JAKMIP1: variants seen among roughly 807,000 people sequenced by gnomAD.
JAKMIP1 encodes the protein janus kinase and microtubule-interacting protein 1.
Under a neutral mutation model 113.0 loss-of-function variants are expected in JAKMIP1, and 33 were observed. That is an observed-to-expected ratio of 0.29 (90% CI 0.22 to 0.39). The LOEUF is 0.39. JAKMIP1 is among the 10% of genes least tolerant of loss of function. The pLI, the probability that JAKMIP1 is intolerant of heterozygous loss-of-function variation, is 1.00. For synonymous variants in JAKMIP1, 480 were observed against 459.9 expected (o/e 1.04, Z -0.56); for missense variants, 813 against 1,080.5 (o/e 0.75, Z 3.47).
rs770243900 is a variant in JAKMIP1 at position 6,049,712 on chromosome 4, T to A, written c.1962+107A>T. On this transcript the variant is annotated intron_variant, in intron 15 of 20. Transcript: ENST00000409021. This position sits in a 1 kb window ranked among gnomAD's most constrained non-coding sequence, Gnocchi z 7.0. The stretch of plus-strand genomic sequence containing the variant: ...AAAGCCTTACATTGTACTTCTTAGA[T>A]CTCTTACATCAGAGAGAAATTAAAA... The A allele has an allele frequency of 2.7e-5, 22 of 828,968 alleles. No homozygotes were observed. Among genetic ancestry groups the A allele is most frequent in the Non-Finnish European group, 4.4e-5 (22 of 500,466 alleles). 51.4% of individuals were successfully genotyped at this position (828,968 alleles called of 1,614,324 possible).
chr4:6,048,799 T>C, intron 16 of JAKMIP1, 58 bp downstream of exon 16: 1 of 1,436,544 alleles, frequency 7.0e-7, no homozygotes, highest in South Asian at 1.2e-5. Context: ...TACAGTTTCT[T>C]GTATGGTGCT....
chr4:6,117,223 C>T (rs140355511), intron 1 of JAKMIP1, among the ~76,000 whole-genome samples: 2,951 of 152,156 alleles, frequency 0.019, 51 homozygotes, highest in Non-Finnish European at 0.03. Context: ...GGACCTGCCC[C>T]GATAATCACG....
In JAKMIP1 at chr4:6,178,912, C is replaced by T. The variant is rs1185567558; in HGVS notation, c.-148+21341G>A. On this transcript the variant is annotated intron_variant, in intron 1 of 20. Coordinates refer to ENST00000409021, the MANE Select transcript of JAKMIP1 (RefSeq NM_001099433.2). This position sits in a 1 kb window ranked among gnomAD's most constrained non-coding sequence, Gnocchi z 5.5. ...TTGTTCACCAGCTGTCTCCCTGCCC[C>T]GGCACAGTGCCTGGCTCGGAGAGCA... is the stretch of plus-strand genomic sequence containing the variant. Among the ~76,000 whole-genome samples, 5 of 152,194 alleles carry T rather than the reference C, an allele frequency of 3.3e-5. No individual in the cohort carries two copies. Among genetic ancestry groups the T allele is most frequent in the African/African-American group, 7.2e-5 (3 of 41,450 alleles).
Position 6,153,995 on chromosome 4 carries a change from A to G in JAKMIP1, c.-147-40998T>C, listed in dbSNP as rs1276551628. ...GTCACAGAGTCTGCCCAGGTCTTGT[A>G]TGCGGCAGATGTTTACTAAATACTG... On this transcript the variant is annotated intron_variant, in intron 1 of 20. Transcript: ENST00000409021. This position sits in a 1 kb window ranked among gnomAD's most constrained non-coding sequence, Gnocchi z 4.9. Among the ~76,000 whole-genome samples the G allele has an allele frequency of 3.9e-5, 6 of 152,164 alleles. No homozygotes were observed. The highest frequency in any genetic ancestry group is 1.4e-4 in the African/African-American group (6 of 41,424).
At chr4:6,170,011 C>CCACCACATTCCCA (rs758718517) in intron 1 of JAKMIP1, among the ~76,000 whole-genome samples, 11 of 100,160 alleles carry the variant, frequency 1.1e-4, no homozygotes, top group African/African-American at 3.8e-4. Flanking sequence ...CACCACCACC[C>CCACCACATTCCCA]TCACCACCAC....
chr4:6,128,131 C>T (rs1717993923), intron 1 of JAKMIP1, among the ~76,000 whole-genome samples: 1 of 152,190 alleles, frequency 6.6e-6, no homozygotes, highest in African/African-American at 2.4e-5. Flanking sequence ...GAGACAGAAA[C>T]TGGCCACAGT....
In JAKMIP1 at chr4:6,141,760, G is replaced by A. The variant is rs777594234; in HGVS notation, c.-147-28763C>T. Among the ~76,000 whole-genome samples, 9 of 152,190 alleles carry A rather than the reference G, an allele frequency of 5.9e-5. No homozygotes were observed. Among genetic ancestry groups the A allele is most frequent in the African/African-American group, 1.4e-4 (6 of 41,458 alleles). ...AAAGTGGCCCCAGGACACTGATGCCGAGGATGCTGACTGTCCACTCTTCGG... is the reference window on the plus strand; with the variant it reads ...AAAGTGGCCCCAGGACACTGATGCCAAGGATGCTGACTGTCCACTCTTCGG... On this transcript the variant is annotated intron_variant, in intron 1 of 20. Coordinates refer to ENST00000409021, the MANE Select transcript of JAKMIP1 (RefSeq NM_001099433.2). This position sits in a 1 kb window ranked among gnomAD's most constrained non-coding sequence, Gnocchi z 9.4.
chr4:6,110,312 C>T (rs1028351186), intron 2 of JAKMIP1, among the ~76,000 whole-genome samples: 1 of 151,988 alleles, frequency 6.6e-6, no homozygotes, highest in Non-Finnish European at 1.5e-5. Flanking sequence ...AGAAGGCGGC[C>T]GTCTGCAAGC....
intron 1 of JAKMIP1, among the ~76,000 whole-genome samples, chr4:6,145,216 C>A (rs1484244145): frequency 6.6e-6 from 1 of 152,172 alleles, no homozygotes; most frequent in Non-Finnish European, 1.5e-5. Context: ...GCACAGGCAC[C>A]AGCCCCATGC....
At position 6,188,397 on chromosome 4, in the gene JAKMIP1, C is replaced by A. The variant is rs1726873124; in HGVS notation, c.-148+11856G>T. Among the ~76,000 whole-genome samples the A allele has an allele frequency of 2.0e-5, 3 of 152,198 alleles. No individual in the cohort carries two copies. Among genetic ancestry groups the A allele is most frequent in the Non-Finnish European group, 4.4e-5 (3 of 68,046 alleles). ...GTGGCACTGTTCTCACAGACACCTG[C>A]ACAGGAGGTTCTGATAAGGAGAGGT... is the stretch of plus-strand genomic sequence containing the variant. On this transcript the variant is annotated intron_variant, in intron 1 of 20. Transcript: ENST00000409021. The surrounding 1 kb of genome is among the most constrained non-coding windows in gnomAD (Gnocchi z 5.8).
At chr4:6,112,684 T>G (rs774668038) in intron 2 of JAKMIP1, 38 bp downstream of exon 2, 3 of 1,604,158 alleles carry the variant, frequency 1.9e-6, no homozygotes, top group South Asian at 2.2e-5. Context: ...AAGGGACATT[T>G]GCAGCCCAGC....
In JAKMIP1 at chr4:6,093,207, T is replaced by C. The variant is rs926535070; in HGVS notation, c.625-7578A>G. On this transcript the variant is annotated intron_variant, in intron 3 of 20. Coordinates refer to ENST00000409021, the MANE Select transcript of JAKMIP1 (RefSeq NM_001099433.2). This position sits in a 1 kb window ranked among gnomAD's most constrained non-coding sequence, Gnocchi z 4.6. The stretch of plus-strand genomic sequence containing the variant: ...GCATCTACCCACAGAAGTGATCACA[T>C]CCTCTTCTTTGTTGCTGCCTCTTTG... Among the ~76,000 whole-genome samples the C allele has an allele frequency of 6.6e-6, 1 of 152,144 alleles. No homozygotes were observed. Among genetic ancestry groups the C allele is most frequent in the African/African-American group, 2.4e-5 (1 of 41,424 alleles).
At chr4:6,121,820 T>G (rs962567712) in intron 1 of JAKMIP1, among the ~76,000 whole-genome samples, 1 of 152,242 alleles carries the variant, frequency 6.6e-6, no homozygotes, top group African/African-American at 2.4e-5. Flanking sequence ...TTTGTTTAAA[T>G]ATGTTTCAGC....
intron 3 of JAKMIP1, among the ~76,000 whole-genome samples, chr4:6,098,726 G>A (rs369017865): frequency 1.7e-4 from 2 of 12,046 alleles, no homozygotes; most frequent in Non-Finnish European, 4.1e-4. Flanking sequence ...GAAAGAAAAA[G>A]AAAGAAAGAG....
intron 1 of JAKMIP1, among the ~76,000 whole-genome samples, chr4:6,122,276 A>C (rs28379623): frequency 0.32 from 48,094 of 152,060 alleles, 7,651 homozygotes; most frequent in East Asian, 0.35. Flanking sequence ...CAGTGAGCCG[A>C]GATCGAACCA....
At chr4:6,046,638 A>G (rs1715035260) in intron 16 of JAKMIP1, among the ~76,000 whole-genome samples, 1 of 152,138 alleles carries the variant, frequency 6.6e-6, no homozygotes, top group Non-Finnish European at 1.5e-5. Flanking sequence ...AGGCGAGCAG[A>G]GCATGGTGAG....
chr4:6,150,957 A>G lies in JAKMIP1; in HGVS notation c.-147-37960T>C, dbSNP rs1470592579. Among the ~76,000 whole-genome samples the G allele has an allele frequency of 6.6e-6, 1 of 152,118 alleles. No homozygotes were observed. Among genetic ancestry groups the G allele is most frequent in the African/African-American group, 2.4e-5 (1 of 41,412 alleles). ...CACCAGTGGGTCCCTGTCATCCACC[A>G]AAAGCAAAACACCTGGTGAAGGCTG... is the stretch of plus-strand genomic sequence containing the variant. On this transcript the variant is annotated intron_variant, in intron 1 of 20. Transcript: ENST00000409021. This position sits in a 1 kb window ranked among gnomAD's most constrained non-coding sequence, Gnocchi z 4.8.
At chr4:6,110,318 C>T (rs1714712581) in intron 2 of JAKMIP1, among the ~76,000 whole-genome samples, 1 of 152,034 alleles carries the variant, frequency 6.6e-6, no homozygotes, top group African/African-American at 2.4e-5. Flanking sequence ...CGGCCGTCTG[C>T]AAGCCAAGGA....
chr4:6,168,865 C>T lies in JAKMIP1; in HGVS notation c.-148+31388G>A, dbSNP rs965215798. Among the ~76,000 whole-genome samples the T allele has an allele frequency of 1.3e-5, 2 of 151,846 alleles. No homozygotes were observed. Among genetic ancestry groups the T allele is most frequent in the African/African-American group, 4.8e-5 (2 of 41,300 alleles). On this transcript the variant is annotated intron_variant, in intron 1 of 20. Transcript: ENST00000409021. This position sits in a 1 kb window ranked among gnomAD's most constrained non-coding sequence, Gnocchi z 4.6. The stretch of plus-strand genomic sequence containing the variant: ...GCAGTGAGCTGTAATCACACCACTG[C>T]ACTCCAGCCTAGGTGACAGAGTGAG...
Sources: allele counts gnomAD v4.1 joint callset (sites outside exome capture counted in the v4.1 genomes callset), GRCh38; gene constraint gnomAD v4.1.1; non-coding constraint Gnocchi (gnomAD v3.1); transcripts MANE v1.5; gene names NCBI Gene and HGNC (gene_info 2026-07-23, HGNC 2026-07-21).